The following EPB41L5 variants were observed in gnomAD, a reference collection of about 807,000 sequenced individuals.
EPB41L5 encodes the protein band 4.1-like protein 5.
EPB41L5 carries 55 observed loss-of-function variants against 106.6 expected under a neutral mutation model. That is an observed-to-expected ratio of 0.52 (90% confidence interval 0.42 to 0.65). EPB41L5 has a LOEUF of 0.65. Among genes scored for constraint, EPB41L5 ranks in the 30% least tolerant of loss-of-function variants. The pLI, the probability that EPB41L5 is intolerant of heterozygous loss-of-function variation, is 0.00. For missense variants in EPB41L5, 871 were observed against 882.1 expected, an observed-to-expected ratio of 0.99 and a Z score of 0.16; for synonymous variants, 297 against 306.7, an observed-to-expected ratio of 0.97 and a Z score of 0.33.
Position 120,104,986 on chromosome 2 carries a change from T to C in EPB41L5, c.1337+4172T>C, listed in dbSNP as rs1342334216. The C allele has an allele frequency of 5.1e-6, 5 of 984,628 alleles. No homozygotes were observed. In the African/African-American group the frequency reaches 5.2e-5, roughly 10 times the overall value. 61.0% of individuals were successfully genotyped at this position (984,628 alleles called of 1,614,324 possible). ...ATGGTTCTATAAAATGAAAAACATA[T>C]TTACTTTGTCTTTTCATTTGACTGG... On this transcript the variant is annotated intron_variant, in intron 16 of 24. Coordinates refer to ENST00000263713, the MANE Select transcript of EPB41L5 (RefSeq NM_020909.4).
chr2:120,087,239 A>C lies in EPB41L5; in HGVS notation c.872A>C (p.Gln291Pro). Residue 291 changes from glutamine (Q) to proline (P), a missense_variant and splice_region_variant, in exon 11 of 25, where the codon CAG becomes CCG. Gln to Pro is a moderately conservative substitution (Grantham distance 76). Transcript: ENST00000263713. The part of the protein sequence containing the change: ...LTLVVVEDDD[Q>P]GKEQEHTFVF... ...TTGGTGGTTGTAGAAGATGATGATCAGGTAGGAATAAAATTATATTCTATT... is the reference window on the plus strand; with the variant it reads ...TTGGTGGTTGTAGAAGATGATGATCCGGTAGGAATAAAATTATATTCTATT... 2 of 1,522,968 alleles carry C rather than the reference A, an allele frequency of 1.3e-6. No homozygotes were observed. The highest frequency in any genetic ancestry group is 1.8e-6 in the Non-Finnish European group (2 of 1,100,954). The allele number at this position is 1,522,968 out of a possible 1,614,324, so 94.3% of individuals were successfully genotyped here.
At chr2:120,140,003 T>G (rs1298126164) in intron 18 of EPB41L5, among the ~76,000 whole-genome samples, 1 of 152,070 alleles carries the variant, frequency 6.6e-6, no homozygotes, top group African/African-American at 2.4e-5. Context: ...AATGAGATAC[T>G]ATCATTTGCA....
At chr2:120,172,851 AACAC>A (rs1687741665) in intron 24 of EPB41L5, among the ~76,000 whole-genome samples, 2 of 152,260 alleles carry the variant, frequency 1.3e-5, no homozygotes, top group South Asian at 2.1e-4. Context: ...TGCCAAGAAA[AACAC>A]AAACAGGCTC....
chr2:120,018,932 C>A, intron 1 of EPB41L5, 145 bp from the exon 2 acceptor site: 1 of 690,132 alleles, frequency 1.4e-6, no homozygotes, highest in Non-Finnish European at 2.4e-6. Flanking sequence ...AGGCGTGAGT[C>A]ACTGCACCCA....
intron 20 of EPB41L5, among the ~76,000 whole-genome samples, chr2:120,151,303 AAATAAT>A (rs758794816): frequency 4.9e-4 from 75 of 152,062 alleles, no homozygotes; most frequent in Middle Eastern, 3.4e-3. Flanking sequence ...CCATCTCAAA[AAATAAT>A]AATAATAATA....
chr2:120,167,220 G>A (rs1202697775), intron 22 of EPB41L5, among the ~76,000 whole-genome samples: 2 of 152,278 alleles, frequency 1.3e-5, no homozygotes, highest in East Asian at 3.9e-4. Context: ...ATTCTTGAAT[G>A]GTAAATTTTT....
At chr2:120,105,314 A>G in intron 16 of EPB41L5, 1 of 957,746 alleles carries the variant, frequency 1.0e-6, no homozygotes, top group Non-Finnish European at 1.2e-6. Flanking sequence ...TAAACTATGT[A>G]CATAGAAATT....
chr2:120,087,672 A>G (rs768087556), intron 11 of EPB41L5, among the ~76,000 whole-genome samples: 3 of 152,146 alleles, frequency 2.0e-5, no homozygotes, highest in Admixed American at 1.3e-4. Context: ...ATTTATTTGT[A>G]GAGATGGGAT....
At chr2:120,168,123 A>T (rs1368048236) in intron 24 of EPB41L5, 116 bp downstream of exon 24, 26 of 1,160,268 alleles carry the variant, frequency 2.2e-5, no homozygotes, top group African/African-American at 3.1e-5. Flanking sequence ...AACTATATTG[A>T]AATGGGGCAA....
At chr2:120,040,380 C>A (rs1031774347) in intron 2 of EPB41L5, among the ~76,000 whole-genome samples, 1 of 152,036 alleles carries the variant, frequency 6.6e-6, no homozygotes, top group Non-Finnish European at 1.5e-5. Flanking sequence ...GTGTTGACTG[C>A]AAGAAGATAA....
intron 20 of EPB41L5, among the ~76,000 whole-genome samples, chr2:120,158,410 C>G (rs1686992524): frequency 6.6e-6 from 1 of 152,128 alleles, no homozygotes; most frequent in Non-Finnish European, 1.5e-5. Flanking sequence ...TAGCTATACC[C>G]CTGGGATGCA....
chr2:120,089,471 T>C (rs954736933), intron 11 of EPB41L5, among the ~76,000 whole-genome samples: 6 of 152,186 alleles, frequency 3.9e-5, no homozygotes, highest in African/African-American at 1.4e-4. Flanking sequence ...GCAGCTTGCC[T>C]GTTTTATCTA....
At chr2:120,122,970 T>C (rs943968561) in intron 16 of EPB41L5, among the ~76,000 whole-genome samples, 6 of 152,184 alleles carry the variant, frequency 3.9e-5, no homozygotes, top group Non-Finnish European at 7.4e-5. Flanking sequence ...CTGTCTGTTA[T>C]TGGTTTATAG....
intron 16 of EPB41L5, among the ~76,000 whole-genome samples, chr2:120,122,710 T>A (rs945126283): frequency 6.6e-5 from 10 of 152,162 alleles, no homozygotes; most frequent in Admixed American, 2.0e-4. Flanking sequence ...CAATTCTGGG[T>A]AGAAAGTCAT....
intron 16 of EPB41L5, among the ~76,000 whole-genome samples, chr2:120,127,340 T>C (rs1336718806): frequency 6.6e-6 from 1 of 152,084 alleles, no homozygotes; most frequent in African/African-American, 2.4e-5. Context: ...TCCCTCAGTA[T>C]CCATGGAGGA....
chr2:120,099,523 G>C (rs1270918002), intron 14 of EPB41L5, among the ~76,000 whole-genome samples: 1 of 151,900 alleles, frequency 6.6e-6, no homozygotes, highest in Non-Finnish European at 1.5e-5. Flanking sequence ...CACCTCCTGG[G>C]TTCACGCCAT....
At chr2:120,065,285 A>T (rs995506909) in intron 3 of EPB41L5, among the ~76,000 whole-genome samples, 28 of 151,502 alleles carry the variant, frequency 1.8e-4, no homozygotes, top group African/African-American at 6.3e-4. Flanking sequence ...TCAGCTAATT[A>T]AAAAAAAATT....
chr2:120,095,652 A>G (rs1236369503), intron 14 of EPB41L5, among the ~76,000 whole-genome samples: 1 of 151,822 alleles, frequency 6.6e-6, no homozygotes, highest in African/African-American at 2.4e-5. Context: ...TGATGGCTCC[A>G]TTAATTAAAT....
intron 21 of EPB41L5, among the ~76,000 whole-genome samples, chr2:120,163,262 C>G (rs1472711574): frequency 5.3e-5 from 7 of 132,622 alleles, no homozygotes; most frequent in African/African-American, 1.7e-4. Flanking sequence ...CCCTCTGCCC[C>G]CCCCCCCCCC....
Sources: allele counts gnomAD v4.1 joint callset (sites outside exome capture counted in the v4.1 genomes callset), GRCh38; gene constraint gnomAD v4.1.1; transcripts MANE v1.5; gene names NCBI Gene and HGNC (gene_info 2026-07-23, HGNC 2026-07-21).